Variants in NDUFA13 observed in about 807,000 individuals in gnomAD.
NDUFA13 encodes the protein NADH:ubiquinone oxidoreductase subunit A13, also known as NADH dehydrogenase [ubiquinone] 1 alpha subcomplex subunit 13.
In NDUFA13, 16 loss-of-function variants were observed where a neutral mutation model predicts 17.0. The ratio of observed to expected loss-of-function variants is 0.94; its 90% confidence interval spans 0.64 to 1.43. The LOEUF is 1.43. Ranked by LOEUF, NDUFA13 falls within the 40% of genes most tolerant of loss-of-function variation. The probability of loss-of-function intolerance (pLI) is 0.00; values close to 1 mark genes in which losing one functional copy is unlikely to be tolerated. For synonymous variants in NDUFA13, 87 were observed against 78.4 expected (o/e 1.11, Z -0.58); for missense variants, 228 against 206.7 (o/e 1.10, Z -0.63).
chr19:19,518,122 TAAAA>T (rs1158640419), intron 1 of NDUFA13, among the ~76,000 whole-genome samples: 5 of 137,350 alleles, frequency 3.6e-5, no homozygotes, highest in Non-Finnish European at 6.4e-5. Flanking sequence ...TACCAAAAAT[TAAAA>T]AAAAAAAAAA....
intron 3 of NDUFA13, 99 bp downstream of exon 3, chr19:19,527,451 G>A (rs896823690): frequency 1.5e-4 from 208 of 1,412,138 alleles, no homozygotes; most frequent in Middle Eastern, 1.5e-3. Context: ...ATGCACGTGG[G>A]GGCCATCGCC....
chr19:19,519,154 G>A (rs1459837601), intron 1 of NDUFA13, among the ~76,000 whole-genome samples: 1 of 150,874 alleles, frequency 6.6e-6, no homozygotes, highest in Non-Finnish European at 1.5e-5. Flanking sequence ...GCCGCCCAAA[G>A]TGCTGGTATT....
intron 2 of NDUFA13, chr19:19,526,867 G>A (rs1006389983): frequency 1.0e-4 from 30 of 300,196 alleles, no homozygotes; most frequent in Non-Finnish European, 1.2e-4. Context: ...GGAGAAGAAA[G>A]GAAAGATTGT....
At chr19:19,519,045 A>ATTTTTTTTTTT (rs71170693) in intron 1 of NDUFA13, among the ~76,000 whole-genome samples, 14 of 114,876 alleles carry the variant, frequency 1.2e-4, no homozygotes, top group African/African-American at 1.5e-4. Flanking sequence ...GGCCCGGCCT[A>ATTTTTTTTTTT]TTTTTTTTTT....
At chr19:19,526,304 A>C (rs2061099456) in intron 2 of NDUFA13, 44 bp downstream of exon 2, 1 of 1,603,826 alleles carries the variant, frequency 6.2e-7, no homozygotes, top group Admixed American at 1.7e-5. Context: ...CCCCCCGGCG[A>C]GTTGTCGGGG....
intron 1 of NDUFA13, among the ~76,000 whole-genome samples, chr19:19,516,881 G>C (rs2061051923): frequency 1.3e-5 from 2 of 152,126 alleles, no homozygotes; most frequent in African/African-American, 4.8e-5. Flanking sequence ...TCCGCCTCCT[G>C]GGTTCAAGCG....
chr19:19,519,505 C>A (rs897911407), intron 1 of NDUFA13, among the ~76,000 whole-genome samples: 4 of 152,156 alleles, frequency 2.6e-5, no homozygotes, highest in Non-Finnish European at 4.4e-5. Context: ...CCAGCCTTTC[C>A]CGGTGGAGGA....
chr19:19,527,973 C>G (rs767974453), intron 4 of NDUFA13, 34 bp from the exon 5 acceptor site: 6 of 1,606,884 alleles, frequency 3.7e-6, no homozygotes, highest in African/African-American at 1.3e-5. Flanking sequence ...ATATGGGTGG[C>G]TGTGCCTCTA....
At chr19:19,526,051 G>A (rs957697406) in intron 1 of NDUFA13, 131 bp from the exon 2 acceptor site, 5 of 1,529,680 alleles carry the variant, frequency 3.3e-6, no homozygotes, top group African/African-American at 1.4e-5. Context: ...GGGCAGAGGT[G>A]TCACAGTCCA....
At chr19:19,521,352 C>T (rs1413011178) in intron 1 of NDUFA13, among the ~76,000 whole-genome samples, 5 of 152,278 alleles carry the variant, frequency 3.3e-5, no homozygotes, top group African/African-American at 1.2e-4. Flanking sequence ...CTGATGATGT[C>T]GAACATTTTT....
intron 1 of NDUFA13, 94 bp downstream of exon 1, chr19:19,516,426 C>A: frequency 1.5e-6 from 2 of 1,361,308 alleles, no homozygotes; most frequent in South Asian, 1.2e-5. Context: ...GTTTTCCCGG[C>A]GGTGTGACCG....
In NDUFA13 at chr19:19,528,004, C is replaced by G; in HGVS notation, c.316-3C>G. 4 of 1,612,656 alleles carry G rather than the reference C, an allele frequency of 2.5e-6. No individual in the cohort carries two copies. Among genetic ancestry groups the G allele is most frequent in the South Asian group, 1.1e-5 (1 of 91,008 alleles). The stretch of plus-strand genomic sequence containing the variant: ...CTCTACCCATACCCCACTGTCCCCA[C>G]AGGTGGGGGAGTCTGTGTTCCACAC... On this transcript the variant is annotated splice_region_variant and splice_polypyrimidine_tract_variant and intron_variant, in intron 4 of 4. Coordinates refer to ENST00000507754, the MANE Select transcript of NDUFA13 (RefSeq NM_015965.7).
At chr19:19,522,943 G>A (rs1265983476) in intron 1 of NDUFA13, among the ~76,000 whole-genome samples, 1 of 152,216 alleles carries the variant, frequency 6.6e-6, no homozygotes, top group Admixed American at 6.5e-5. Context: ...CCATAAATGT[G>A]AGGGTTTATT....
intron 2 of NDUFA13, 117 bp from the exon 3 acceptor site, chr19:19,527,164 C>T: frequency 3.0e-6 from 3 of 1,014,862 alleles, no homozygotes; most frequent in Admixed American, 4.2e-5. Context: ...CCCTGCCTGC[C>T]TCCCCGCCCC....
chr19:19,517,427 G>A (rs2061055088), intron 1 of NDUFA13, among the ~76,000 whole-genome samples: 1 of 151,812 alleles, frequency 6.6e-6, no homozygotes, highest in African/African-American at 2.4e-5. Context: ...GCCCAGGCTG[G>A]TCTCGAAGTC....
At chr19:19,521,945 G>T (rs1357969980) in intron 1 of NDUFA13, among the ~76,000 whole-genome samples, 1 of 152,056 alleles carries the variant, frequency 6.6e-6, no homozygotes, top group African/African-American at 2.4e-5. Context: ...TTGTAAGATT[G>T]TGTATACATA....
chr19:19,516,411 C>A, intron 1 of NDUFA13, 79 bp downstream of exon 1: 1 of 1,483,554 alleles, frequency 6.7e-7, no homozygotes, highest in Non-Finnish European at 9.3e-7. Flanking sequence ...CACAGGCGGG[C>A]CTCAGTTTTC....
intron 2 of NDUFA13, among the ~76,000 whole-genome samples, chr19:19,526,899 A>G (rs2061102219): frequency 6.6e-6 from 1 of 152,220 alleles, no homozygotes; most frequent in South Asian, 2.1e-4. Flanking sequence ...CCCCAGCCTC[A>G]CACACTGATT....
At chr19:19,526,005 G>A in intron 1 of NDUFA13, 177 bp from the exon 2 acceptor site, 1 of 1,474,010 alleles carries the variant, frequency 6.8e-7, no homozygotes, top group Admixed American at 2.2e-5. Context: ...TGAGGTTGCT[G>A]CCTGGCTTGT....
Sources: allele counts gnomAD v4.1 joint callset (sites outside exome capture counted in the v4.1 genomes callset), GRCh38; gene constraint gnomAD v4.1.1; transcripts MANE v1.5; gene names NCBI Gene and HGNC (gene_info 2026-07-23, HGNC 2026-07-21).